The following NHLRC3 variants were observed in gnomAD, a reference collection of about 807,000 sequenced individuals.
NHLRC3 encodes the protein NHL repeat-containing protein 3.
In NHLRC3, 23 loss-of-function variants were observed where a neutral mutation model predicts 32.0. That is an observed-to-expected ratio of 0.72 (90% CI 0.52 to 1.02). NHLRC3 has a LOEUF of 1.02. Ranked by LOEUF, NHLRC3 falls within the 50% of genes least tolerant of loss-of-function variation. The probability of loss-of-function intolerance (pLI) is 0.00; values close to 1 mark genes in which losing one functional copy is unlikely to be tolerated. For missense variants in NHLRC3, 407 were observed against 406.8 expected (o/e 1.00, Z -0.01); for synonymous variants, 159 against 147.9 (o/e 1.08, Z -0.55).
At position 39,049,029 on chromosome 13, in the gene NHLRC3, T is replaced by C. The variant is rs1325594772; in HGVS notation, c.*1103T>C. The C allele has an allele frequency of 2.0e-5, 3 of 151,864 alleles. No homozygotes were observed. The East Asian group carries it at 5.8e-4, about 29-fold the overall frequency. 9.4% of individuals were successfully genotyped at this position (151,864 alleles called of 1,614,324 possible). On this transcript the variant is annotated 3_prime_UTR_variant, in exon 7 of 7. Coordinates refer to ENST00000379600, the MANE Select transcript of NHLRC3 (RefSeq NM_001012754.4). Reference sequence around the variant, plus strand: ...CCACTCCCTCCTTTGGTGTGAATATTGGCTTCCCAATTAAGACCTTTTTTT... The same window carrying C: ...CCACTCCCTCCTTTGGTGTGAATATCGGCTTCCCAATTAAGACCTTTTTTT...
intron 5 of NHLRC3, 174 bp downstream of exon 5, chr13:39,044,355 TCTGGGG>T: frequency 1.7e-6 from 1 of 596,330 alleles, no homozygotes; most frequent in Non-Finnish European, 3.0e-6. Context: ...GGGTAATTAC[TCTGGGG>T]CTGGGTGTGC....
At chr13:39,040,760 A>G (rs1236163386) in intron 3 of NHLRC3, 1 of 152,196 alleles carries the variant, frequency 6.6e-6, no homozygotes, top group African/African-American at 2.4e-5. Context: ...GCTGATTCAG[A>G]TACCATTTTT....
At chr13:39,045,341 G>A (rs1460461135) in intron 5 of NHLRC3, among the ~76,000 whole-genome samples, 1 of 152,142 alleles carries the variant, frequency 6.6e-6, no homozygotes, top group Admixed American at 6.5e-5. Context: ...TTCAGAACAT[G>A]CGAGACCTCG....
chr13:39,042,457 T>G (rs189057706), intron 4 of NHLRC3, 152 bp downstream of exon 4: 1 of 564,414 alleles, frequency 1.8e-6, no homozygotes, highest in East Asian at 2.9e-5. Flanking sequence ...ATGGGTATGA[T>G]TGCCCACAAT....
intron 5 of NHLRC3, among the ~76,000 whole-genome samples, chr13:39,045,446 T>G (rs1031916564): frequency 1.4e-4 from 22 of 152,096 alleles, no homozygotes; most frequent in African/African-American, 5.3e-4. Flanking sequence ...TGATAAAGAG[T>G]GTCAATTATA....
At chr13:39,043,605 T>A (rs762477937) in intron 4 of NHLRC3, among the ~76,000 whole-genome samples, 1 of 152,212 alleles carries the variant, frequency 6.6e-6, no homozygotes, top group African/African-American at 2.4e-5. Flanking sequence ...TAATTTTATC[T>A]GCAAAAACTA....
intron 1 of NHLRC3, 58 bp from the exon 2 acceptor site, chr13:39,039,078 C>CATTTTTT: frequency 1.9e-6 from 2 of 1,038,070 alleles, no homozygotes; most frequent in Non-Finnish European, 2.9e-6. Flanking sequence ...CCCCCCCGCC[C>CATTTTTT]TTTTTTTGTT....
rs1268924755 is a variant in NHLRC3, at chr13:39,049,897, T to C, written c.*1971T>C. The C allele has an allele frequency of 1.3e-5, 2 of 152,264 alleles. No individual in the cohort carries two copies. Among genetic ancestry groups the C allele is most frequent in the Non-Finnish European group, 2.9e-5 (2 of 68,044 alleles). 9.4% of individuals were successfully genotyped at this position (152,264 alleles called of 1,614,324 possible). On this transcript the variant is annotated 3_prime_UTR_variant, in exon 7 of 7. Transcript: ENST00000379600. ...TACTTTGTTTTATATCAGAGTCTTA[T>C]AAAACCTGCTGCAAATATTTCTGAA...
At chr13:39,041,691 G>A (rs1338148301) in intron 3 of NHLRC3, 3 of 178,648 alleles carry the variant, frequency 1.7e-5, no homozygotes, top group Non-Finnish European at 3.6e-5. Context: ...TTTAAGGTCT[G>A]TATGTGAGTG....
At position 39,048,044 on chromosome 13, in the gene NHLRC3, A is replaced by G. The variant is rs1304505234; in HGVS notation, c.*118A>G. 1.1e-6 allele frequency: 1 copy of G among 874,504 alleles called. No homozygotes were observed. The highest frequency in any genetic ancestry group is 2.5e-5 in the East Asian group (1 of 39,402). The allele number at this position is 874,504 out of a possible 1,614,324, so 54.2% of individuals were successfully genotyped here. ...CTAGTATAAAAGATCTAGTATCAGA[A>G]AGATTTGTTTTTGTATCATTAAGAA... On this transcript the variant is annotated 3_prime_UTR_variant, in exon 7 of 7. Coordinates refer to ENST00000379600, the MANE Select transcript of NHLRC3 (RefSeq NM_001012754.4).
At chr13:39,039,384 C>A (rs1432062306) in intron 2 of NHLRC3, 96 bp downstream of exon 2, 3 of 1,121,070 alleles carry the variant, frequency 2.7e-6, no homozygotes, top group Non-Finnish European at 2.6e-6. Context: ...TTATATCATG[C>A]TAATTGTGCA....
intron 5 of NHLRC3, 52 bp from the exon 6 acceptor site, chr13:39,046,988 C>CT: frequency 8.9e-7 from 1 of 1,121,504 alleles, no homozygotes; most frequent in Admixed American, 1.8e-5. Flanking sequence ...ATTCTTTTCC[C>CT]TTTTTTCTTC....
rs1478541110 is a variant in NHLRC3, at chr13:39,047,951, A to G, written c.*25A>G. ...ATGTTTCTTTCCTGGGAATATTTCA[A>G]GTGGCAGTTCAGATTCTCAATTCAC... On this transcript the variant is annotated 3_prime_UTR_variant, in exon 7 of 7. Coordinates refer to ENST00000379600, the MANE Select transcript of NHLRC3 (RefSeq NM_001012754.4). The G allele has an allele frequency of 6.4e-7, 1 of 1,569,118 alleles. No individual in the cohort carries two copies. The highest frequency in any genetic ancestry group is 8.7e-7 in the Non-Finnish European group (1 of 1,146,378).
chr13:39,043,047 A>G (rs1446543133), intron 4 of NHLRC3, among the ~76,000 whole-genome samples: 1 of 152,220 alleles, frequency 6.6e-6, no homozygotes, highest in East Asian at 1.9e-4. Context: ...AGGTTTTCCT[A>G]GTAGAAAAGT....
chr13:39,042,968 C>T (rs1349793282), intron 4 of NHLRC3, among the ~76,000 whole-genome samples: 1 of 152,122 alleles, frequency 6.6e-6, no homozygotes, highest in East Asian at 1.9e-4. Context: ...GCAGAAAATA[C>T]AATTTGGGAT....
At position 39,042,119 on chromosome 13, in the gene NHLRC3, A is replaced by T; in HGVS notation, c.400A>T (p.Thr134Ser). 4 of 1,594,284 alleles carry T rather than the reference A, an allele frequency of 2.5e-6. No homozygotes were observed. The highest frequency in any genetic ancestry group is 3.4e-6 in the Non-Finnish European group (4 of 1,162,204). ...TATCTTTATAGGATTCTTTGGTCATACTGTTAAAAAATACAGTTCTTTTGG... is the reference window on the plus strand; with the variant it reads ...TATCTTTATAGGATTCTTTGGTCATTCTGTTAAAAAATACAGTTCTTTTGG... The part of the protein sequence containing the change: ...TDVGSGFFGH[T>S]VKKYSSFGDL... Residue 134 changes from threonine (T) to serine (S), a missense_variant, in exon 4 of 7, where the codon ACT becomes TCT. Physicochemically the swap from Thr to Ser is moderately conservative, Grantham distance 58 (BLOSUM62 1). Transcript: ENST00000379600.
chr13:39,039,067 GC>G (rs571166205), intron 1 of NHLRC3, 68 bp from the exon 2 acceptor site: 14 of 629,188 alleles, frequency 2.2e-5, no homozygotes, highest in South Asian at 3.4e-5. Context: ...CTGTTACCCG[GC>G]CCCCCCGCCC....
intron 2 of NHLRC3, 76 bp from the exon 3 acceptor site, chr13:39,039,488 T>TG: frequency 7.6e-7 from 1 of 1,320,088 alleles, no homozygotes; most frequent in Non-Finnish European, 1.0e-6. Flanking sequence ...TTCTCAGTTA[T>TG]TTTTTTTCTT....
chr13:39,048,241 A>T lies in NHLRC3; in HGVS notation c.*315A>T, dbSNP rs1252287747. On this transcript the variant is annotated 3_prime_UTR_variant, in exon 7 of 7. Transcript: ENST00000379600. ...CTGGGTAAAAAAAATGGGAATAAAAATGAGCTTGCATGATAATTTATTAAA... is the reference window on the plus strand; with the variant it reads ...CTGGGTAAAAAAAATGGGAATAAAATTGAGCTTGCATGATAATTTATTAAA... The T allele has an allele frequency of 5.3e-6, 1 of 189,230 alleles. No homozygotes were observed. Among genetic ancestry groups the T allele is most frequent in the African/African-American group, 2.3e-5 (1 of 42,796 alleles). The allele number at this position is 189,230 out of a possible 1,614,324, so 11.7% of individuals were successfully genotyped here.
Sources: allele counts gnomAD v4.1 joint callset (sites outside exome capture counted in the v4.1 genomes callset), GRCh38; gene constraint gnomAD v4.1.1; transcripts MANE v1.5; gene names NCBI Gene and HGNC (gene_info 2026-07-23, HGNC 2026-07-21).